XDH: variants seen among roughly 807,000 people sequenced by gnomAD.
XDH encodes xanthine dehydrogenase.
In XDH, 138 loss-of-function variants were observed where a neutral mutation model predicts 156.1. The ratio of observed to expected loss-of-function variants is 0.88; its 90% confidence interval spans 0.77 to 1.02. The LOEUF (loss-of-function observed/expected upper bound fraction) is 1.02, where lower values mean the gene tolerates loss of function less well. Among genes scored for constraint, XDH ranks in the 50% least tolerant of loss-of-function variants. The probability of loss-of-function intolerance (pLI) is 0.00; values close to 1 mark genes in which losing one functional copy is unlikely to be tolerated. For missense variants in XDH, 1,849 were observed against 1,684.9 expected, an observed-to-expected ratio of 1.10 and a Z score of -1.71; for synonymous variants, 669 against 625.7, an observed-to-expected ratio of 1.07 and a Z score of -1.03.
At chr2:31,361,689 G>A (rs950168956) in intron 24 of XDH, among the ~76,000 whole-genome samples, 5 of 152,128 alleles carry the variant, frequency 3.3e-5, no homozygotes, top group Non-Finnish European at 7.3e-5. Context: ...ACAGAAGGCA[G>A]GTTGGCTTAA....
chr2:31,338,953 G>C (rs1685047433), intron 34 of XDH, among the ~76,000 whole-genome samples: 1 of 151,832 alleles, frequency 6.6e-6, no homozygotes, highest in Non-Finnish European at 1.5e-5. Context: ...TCGAACTTCT[G>C]AGCTCAGGCA....
intron 32 of XDH, 25 bp from the exon 33 acceptor site, chr2:31,341,419 G>A: frequency 6.4e-7 from 1 of 1,558,368 alleles, no homozygotes; most frequent in Non-Finnish European, 8.7e-7. Context: ...AAAATTACAA[G>A]AAGTTAGAGG....
Position 31,367,290 on chromosome 2 carries a change from A to G in XDH, c.2198-296T>C, listed in dbSNP as rs732436. ...ATGGAAATCAAGGATTTCAAAAACC[A>G]TCATTGTAAAATTTTGGAAAAAGTA... On this transcript the variant is annotated intron_variant, in intron 20 of 35. Transcript: ENST00000379416. 0.69 allele frequency among the ~76,000 whole-genome samples: 105,717 copies of G among 152,188 alleles called. 37,170 individuals carry two copies. Among genetic ancestry groups the G allele is most frequent in the East Asian group, 0.84 (4,338 of 5,170 alleles).
At chr2:31,373,029 T>C (rs45596941) in intron 16 of XDH, among the ~76,000 whole-genome samples, 13,776 of 152,228 alleles carry the variant, frequency 0.09, 813 homozygotes, top group African/African-American at 0.16. Context: ...ATGGCTAATG[T>C]TTATTGAGTG....
Position 31,337,532 on chromosome 2 carries a change from C to T in XDH, c.3951+109G>A, listed in dbSNP as rs567215272. ...GGGTGGCCATTGATGCAAGGCTGCC[C>T]GGTTAGGAGAGAGCCCAACACCTCT... On this transcript the variant is annotated intron_variant, in intron 35 of 35. Transcript: ENST00000379416. 1.7e-4 allele frequency: 265 copies of T among 1,537,056 alleles called. 1 individual carries two copies. The highest frequency in any genetic ancestry group is 4.6e-4 in the Middle Eastern group (2 of 4,328).
intron 13 of XDH, 96 bp from the exon 14 acceptor site, chr2:31,377,333 G>C: frequency 7.4e-7 from 1 of 1,344,684 alleles, no homozygotes; most frequent in Non-Finnish European, 1.1e-6. Flanking sequence ...GAGGTGAGGG[G>C]ATAACACCAT....
chr2:31,365,591 G>T (rs1685892731), intron 22 of XDH, 47 bp from the exon 23 acceptor site: 1 of 1,601,234 alleles, frequency 6.2e-7, no homozygotes, highest in African/African-American at 1.3e-5. Flanking sequence ...TTCAACAGCA[G>T]CTCAGCCCTG....
intron 6 of XDH, among the ~76,000 whole-genome samples, chr2:31,389,855 T>G (rs543830346): frequency 1.4e-3 from 152 of 104,846 alleles, no homozygotes; most frequent in East Asian, 0.01. Context: ...AAAAAAAAAG[T>G]TTTTTTTTTA....
chr2:31,370,528 G>T (rs779540077), intron 17 of XDH, 50 bp from the exon 18 acceptor site: 1 of 1,610,892 alleles, frequency 6.2e-7, no homozygotes, highest in South Asian at 1.1e-5. Flanking sequence ...TGGAGCAGGG[G>T]ACCCATCACC....
In XDH at chr2:31,342,259, C is replaced by T; in HGVS notation, c.3443G>A (p.Gly1148Glu). The part of the protein sequence containing the change: ...NLGYSFETNS[G>E]NPFHYFSYGV... Reference sequence around the variant, plus strand: ...ATAGCTGAAGTAGTGGAAGGGGTTCCCTGAGTTAGTCTCAAAGCTGTAGCC... The same window carrying T: ...ATAGCTGAAGTAGTGGAAGGGGTTCTCTGAGTTAGTCTCAAAGCTGTAGCC... Residue 1148 changes from glycine to glutamate, a missense_variant, in exon 32 of 36, where the codon GGG becomes GAG. Gly to Glu is a moderately conservative substitution (Grantham distance 98, BLOSUM62 -2). Transcript: ENST00000379416. 6.2e-7 allele frequency: 1 copy of T among 1,614,112 alleles called. No individual in the cohort carries two copies. Among genetic ancestry groups the T allele is most frequent in the Non-Finnish European group, 8.5e-7 (1 of 1,180,004 alleles).
chr2:31,375,115 T>C (rs563908982), intron 15 of XDH, among the ~76,000 whole-genome samples: 5 of 136,652 alleles, frequency 3.7e-5, no homozygotes, highest in Non-Finnish European at 6.2e-5. Flanking sequence ...AACCTCCACC[T>C]CCCGAGTTCA....
At chr2:31,361,204 T>C (rs1243552848) in intron 24 of XDH, among the ~76,000 whole-genome samples, 2 of 152,216 alleles carry the variant, frequency 1.3e-5, no homozygotes, top group Non-Finnish European at 2.9e-5. Flanking sequence ...CCACTCATCG[T>C]AACAGCCCAG....
At chr2:31,386,348 G>A (rs1391079142) in intron 9 of XDH, 66 bp downstream of exon 9, 1 of 1,597,300 alleles carries the variant, frequency 6.3e-7, no homozygotes, top group Non-Finnish European at 8.5e-7. Flanking sequence ...GGTGAGGATG[G>A]GCAAGAGGAC....
At position 31,383,765 on chromosome 2, in the gene XDH, A is replaced by G. The variant is rs149541044; in HGVS notation, c.876T>C (p.His292=). The G allele has an allele frequency of 3.1e-6, 5 of 1,613,798 alleles. No individual in the cohort carries two copies. Among genetic ancestry groups the G allele is most frequent in the Admixed American group, 3.3e-5 (2 of 59,990 alleles). ...TGAACCTCCTCTTACCGTCGGGTCC[A>G]TGTTCTACCGAATTCAGCTCAGGGA... is the stretch of plus-strand genomic sequence containing the variant. ...AWIPELNSVE[H]GPDGISFGAA... is the part of the protein sequence containing the mutation. Residue 292 remains histidine (H), a synonymous_variant, in exon 10 of 36, where the codon CAT becomes CAC. Transcript: ENST00000379416.
At chr2:31,372,012 A>T (rs1202263563) in intron 17 of XDH, among the ~76,000 whole-genome samples, 1 of 152,232 alleles carries the variant, frequency 6.6e-6, no homozygotes. Context: ...GGGGCAAGTA[A>T]CATACCCTGC....
Position 31,381,614 on chromosome 2 carries a change from T to C in XDH, c.1132+19A>G. The C allele has an allele frequency of 6.2e-7, 1 of 1,613,512 alleles. No homozygotes were observed. Among genetic ancestry groups the C allele is most frequent in the Non-Finnish European group, 8.5e-7 (1 of 1,179,528 alleles). ...TCCCCCAAGTCCTTCTTCCTGGACC[T>C]CTGCTTCAGGCAGCTCACCTCTGGA... On this transcript the variant is annotated intron_variant, in intron 12 of 35. Coordinates refer to ENST00000379416, the MANE Select transcript of XDH (RefSeq NM_000379.4).
At chr2:31,355,358 A>C (rs1002785543) in intron 24 of XDH, among the ~76,000 whole-genome samples, 2 of 152,176 alleles carry the variant, frequency 1.3e-5, no homozygotes, top group African/African-American at 4.8e-5. Context: ...CTATAAGCAA[A>C]ATCATGGGTA....
At position 31,366,911 on chromosome 2, in the gene XDH, T is replaced by C. The variant is rs762730020; in HGVS notation, c.2281A>G (p.Met761Val). 29 of 1,614,098 alleles carry C rather than the reference T, an allele frequency of 1.8e-5. No individual in the cohort carries two copies. In the Admixed American group the frequency reaches 4.7e-4, roughly 26 times the overall value. ...IAVPKGEAGE[M>V]ELFVSTQNTM... Reference sequence around the variant, plus strand: ...TTCTGTGTAGACACAAAGAGCTCCATCTCCCCTGCCTCGCCTTTTGGAACA... The same window carrying C: ...TTCTGTGTAGACACAAAGAGCTCCACCTCCCCTGCCTCGCCTTTTGGAACA... The change falls in exon 21 of 36, where the codon ATG (methionine) becomes GTG (valine). Residue 761 changes from methionine to valine, a missense_variant. By Grantham distance (21) the Met-to-Val change is conservative. Transcript: ENST00000379416.
At chr2:31,355,316 G>A (rs1685594879) in intron 24 of XDH, among the ~76,000 whole-genome samples, 1 of 152,072 alleles carries the variant, frequency 6.6e-6, no homozygotes, top group Admixed American at 6.5e-5. Flanking sequence ...ATAAAAGAAG[G>A]AAGCTTGGAA....
Sources: allele counts gnomAD v4.1 joint callset (sites outside exome capture counted in the v4.1 genomes callset), GRCh38; gene constraint gnomAD v4.1.1; transcripts MANE v1.5; gene names NCBI Gene and HGNC (gene_info 2026-07-23, HGNC 2026-07-21).